RPS6KC1: variants seen among roughly 807,000 people sequenced by gnomAD.
RPS6KC1 encodes ribosomal protein S6 kinase C1, also known as inactive ribosomal protein S6 kinase delta-1.
A neutral mutation model predicts 103.8 loss-of-function variants in RPS6KC1; 54 were observed. That is an observed-to-expected ratio of 0.52 (90% CI 0.42 to 0.65). The LOEUF is 0.65. Ranked by LOEUF, RPS6KC1 falls within the 30% of genes least tolerant of loss-of-function variation. RPS6KC1 has a pLI of 0.00. For synonymous variants in RPS6KC1, 439 were observed against 438.7 expected, an observed-to-expected ratio of 1.00 and a Z score of -0.01; for missense variants, 1,151 against 1,253.8, an observed-to-expected ratio of 0.92 and a Z score of 1.24.
the RPS6KC1 span, among the ~76,000 whole-genome samples, chr1:213,833,316 T>C: frequency 1.3e-5 from 2 of 152,138 alleles, no homozygotes; most frequent in Non-Finnish European, 2.9e-5. Flanking sequence ...CCCATGGATA[T>C]CCAGAGCCCC....
chr1:213,216,695 C>G (rs542087320), intron 8 of RPS6KC1, among the ~76,000 whole-genome samples: 1,590 of 151,976 alleles, frequency 0.01, 31 homozygotes, highest in African/African-American at 0.036. Context: ...TGCAATCAAG[C>G]TAGAACTCAG....
chr1:213,602,020 C>CT, the RPS6KC1 span, among the ~76,000 whole-genome samples: 246 of 23,672 alleles, frequency 0.01, 37 homozygotes, highest in East Asian at 0.071. Context: ...TCTTTTCTTT[C>CT]TTTCTTTCTC....
chr1:213,498,163 G>C, the RPS6KC1 span, among the ~76,000 whole-genome samples: 2 of 152,026 alleles, frequency 1.3e-5, no homozygotes, highest in Admixed American at 1.3e-4. Context: ...ATCTGACAAA[G>C]ATAACAACCA....
At chr1:213,423,670 G>A in the RPS6KC1 span, among the ~76,000 whole-genome samples, 1 of 152,166 alleles carries the variant, frequency 6.6e-6, no homozygotes, top group Non-Finnish European at 1.5e-5. Context: ...CCTATGTCAA[G>A]CCTCTGTTAG....
chr1:213,549,968 T>C, the RPS6KC1 span, among the ~76,000 whole-genome samples: 1 of 151,042 alleles, frequency 6.6e-6, no homozygotes, highest in Non-Finnish European at 1.5e-5. Context: ...GAGAGGGCAG[T>C]GGGGAGAGGG....
chr1:213,214,379 A>G (rs1242379273), intron 8 of RPS6KC1, among the ~76,000 whole-genome samples: 2 of 152,238 alleles, frequency 1.3e-5, no homozygotes, highest in Non-Finnish European at 2.9e-5. Context: ...AGCAGCTGGG[A>G]AGCTCGAAAT....
At chr1:213,633,200 C>T in the RPS6KC1 span, among the ~76,000 whole-genome samples, 1 of 152,020 alleles carries the variant, frequency 6.6e-6, no homozygotes, top group Non-Finnish European at 1.5e-5. Context: ...ACAGAGAACA[C>T]CACAAAGATA....
At chr1:213,671,288 A>G in the RPS6KC1 span, among the ~76,000 whole-genome samples, 1 of 152,174 alleles carries the variant, frequency 6.6e-6, no homozygotes, top group Non-Finnish European at 1.5e-5. Flanking sequence ...GACAAATACC[A>G]CATGATCTCA....
At chr1:213,556,239 G>C in the RPS6KC1 span, among the ~76,000 whole-genome samples, 18 of 152,124 alleles carry the variant, frequency 1.2e-4, no homozygotes, top group Admixed American at 3.9e-4. Context: ...ATGTGGGGAG[G>C]AATTGGAAGG....
the RPS6KC1 span, among the ~76,000 whole-genome samples, chr1:213,373,936 T>A: frequency 6.6e-6 from 1 of 152,196 alleles, no homozygotes; most frequent in East Asian, 1.9e-4. Context: ...GGGAGACCTC[T>A]GTATCCTTTG....
the RPS6KC1 span, among the ~76,000 whole-genome samples, chr1:213,404,627 G>A: frequency 2.6e-5 from 4 of 152,100 alleles, no homozygotes; most frequent in Non-Finnish European, 4.4e-5. Flanking sequence ...ACCAGGTGGC[G>A]GGTGAAGCAA....
intron 5 of RPS6KC1, among the ~76,000 whole-genome samples, chr1:213,124,558 G>T (rs1336866311): frequency 1.3e-5 from 2 of 152,062 alleles, no homozygotes; most frequent in African/African-American, 4.8e-5. Context: ...GTGATTTCTA[G>T]GAGTTGAACA....
the RPS6KC1 span, among the ~76,000 whole-genome samples, chr1:213,546,089 C>T: frequency 6.6e-6 from 1 of 152,080 alleles, no homozygotes; most frequent in African/African-American, 2.4e-5. Context: ...AGAAATGGGT[C>T]GAATGTTCCT....
At chr1:213,338,354 C>T in the RPS6KC1 span, among the ~76,000 whole-genome samples, 25 of 152,330 alleles carry the variant, frequency 1.6e-4, no homozygotes, top group South Asian at 5.2e-3. Context: ...TCTCTTTTTC[C>T]TGGCCATTCT....
At chr1:213,475,080 CA>C in the RPS6KC1 span, among the ~76,000 whole-genome samples, 1 of 152,200 alleles carries the variant, frequency 6.6e-6, no homozygotes, top group Non-Finnish European at 1.5e-5. Flanking sequence ...ATTCTGGAAG[CA>C]TTTGTGCTGG....
chr1:213,309,875 G>A, the RPS6KC1 span, among the ~76,000 whole-genome samples: 1 of 152,108 alleles, frequency 6.6e-6, no homozygotes, highest in African/African-American at 2.4e-5. Context: ...AGTGGAGACG[G>A]GGTTTTGTCA....
intron 5 of RPS6KC1, among the ~76,000 whole-genome samples, chr1:213,128,381 C>G (rs564168482): frequency 7.9e-5 from 12 of 152,250 alleles, no homozygotes; most frequent in Admixed American, 7.2e-4. Flanking sequence ...TTCTAGACTT[C>G]TTTTGTAAAT....
chr1:213,410,882 G>A, the RPS6KC1 span, among the ~76,000 whole-genome samples: 5 of 152,132 alleles, frequency 3.3e-5, no homozygotes, highest in African/African-American at 1.2e-4. Context: ...ATCAGAGCAG[G>A]GGATTGACTT....
intron 10 of RPS6KC1, among the ~76,000 whole-genome samples, chr1:213,238,171 A>G (rs1253902544): frequency 6.6e-6 from 1 of 152,194 alleles, no homozygotes; most frequent in Non-Finnish European, 1.5e-5. Context: ...CATAAGGAGT[A>G]TGAAGGTGGA....
Sources: gnomAD v4.1 joint callset for allele counts (sites outside exome capture counted in the v4.1 genomes callset) on GRCh38, gnomAD v4.1.1 for gene constraint, MANE v1.5 for transcripts, NCBI Gene and HGNC (gene_info 2026-07-23, HGNC 2026-07-21) for gene names.